The following L3MBTL1 variants were observed in gnomAD, a reference collection of about 807,000 sequenced individuals.
L3MBTL1 encodes lethal(3)malignant brain tumor-like protein 1.
A neutral mutation model predicts 105.3 loss-of-function variants in L3MBTL1; 75 were observed. That is an observed-to-expected ratio of 0.71 (90% CI 0.59 to 0.86). L3MBTL1 has a LOEUF of 0.86. L3MBTL1 is among the 40% of genes least tolerant of loss of function. The probability of loss-of-function intolerance (pLI) is 0.00; values close to 1 mark genes in which losing one functional copy is unlikely to be tolerated. For missense variants in L3MBTL1, 1,069 were observed against 1,126.4 expected (o/e 0.95, Z 0.73); for synonymous variants, 452 against 436.2 (o/e 1.04, Z -0.45).
intron 11 of L3MBTL1, chr20:43,531,268 C>A (rs2019321572): frequency 5.4e-6 from 1 of 184,208 alleles, no homozygotes; most frequent in Non-Finnish European, 1.1e-5. Flanking sequence ...TTTTTCTTTC[C>A]TTTTGCCCAA....
chr20:43,521,204 G>A (rs2018688365), intron 7 of L3MBTL1, among the ~76,000 whole-genome samples: 1 of 152,144 alleles, frequency 6.6e-6, no homozygotes, highest in African/African-American at 2.4e-5. Flanking sequence ...GTAGCAAATT[G>A]AAAGCAAAAA....
At chr20:43,528,351 G>GACAT (rs1205213306) in intron 7 of L3MBTL1, among the ~76,000 whole-genome samples, 1 of 152,190 alleles carries the variant, frequency 6.6e-6, no homozygotes, top group Non-Finnish European at 1.5e-5. Context: ...CAGAGGACAG[G>GACAT]GTCCCTCTGT....
intron 19 of L3MBTL1, chr20:43,539,735 C>T (rs966558359): frequency 1.9e-5 from 5 of 259,064 alleles, no homozygotes; most frequent in African/African-American, 8.9e-5. Context: ...CGGAAGGACT[C>T]ATGAGAAGAA....
At chr20:43,519,550 C>T (rs760138981) in intron 7 of L3MBTL1, among the ~76,000 whole-genome samples, 3 of 152,052 alleles carry the variant, frequency 2.0e-5, no homozygotes, top group African/African-American at 4.8e-5. Context: ...GCAGGAGAAT[C>T]GCTTGAACCT....
At position 43,530,333 on chromosome 20, in the gene L3MBTL1, A is replaced by G. The variant is rs1430077582; in HGVS notation, c.1106A>G (p.His369Arg). ...CACTTTGATGGGTATTCTGAGTGCC[A>G]TGACTTCTGGGTCAATGCCAACTCC... ...RLHFDGYSEC[H>R]DFWVNANSPD... The change falls in exon 10 of 22, where the codon CAT becomes CGT. Residue 369 changes from histidine (H) to arginine (R), a missense_variant. By Grantham distance (29) the His-to-Arg change is conservative. Transcript: ENST00000418998. The G allele has an allele frequency of 4.3e-6, 7 of 1,613,970 alleles. No homozygotes were observed. Among genetic ancestry groups the G allele is most frequent in the South Asian group, 3.3e-5 (3 of 91,078 alleles).
rs951425222 is a variant in L3MBTL1, at chr20:43,522,471, T to G, written c.863-6186T>G. Among the ~76,000 whole-genome samples the G allele has an allele frequency of 4.9e-4, 60 of 122,918 alleles. 3 individuals are homozygous for G. In the East Asian group the frequency reaches 8.8e-3, roughly 18 times the overall value. The allele number at this position is 122,918 out of a possible 152,430, so 80.6% of individuals were successfully genotyped here. On this transcript the variant is annotated intron_variant, in intron 7 of 21. Coordinates refer to ENST00000418998, the MANE Select transcript of L3MBTL1 (RefSeq NM_001377303.1). ...TTCCCTGCTAAGTTTTTTTTTTTTT[T>G]TTTTTTTTTTTTTTTTTGGAGACAG...
chr20:43,538,790 C>A (rs1315130071), intron 19 of L3MBTL1, among the ~76,000 whole-genome samples: 1 of 152,222 alleles, frequency 6.6e-6, no homozygotes, highest in Non-Finnish European at 1.5e-5. Flanking sequence ...AAGCTCCCTA[C>A]AAACTTGATG....
At chr20:43,528,891 G>C (rs2019175972) in intron 8 of L3MBTL1, 146 bp downstream of exon 8, 1 of 677,166 alleles carries the variant, frequency 1.5e-6, no homozygotes, top group Non-Finnish European at 2.6e-6. Flanking sequence ...TAGGGGCCCA[G>C]AGTGGAAAAG....
chr20:43,535,570 T>TGGC, intron 16 of L3MBTL1, among the ~76,000 whole-genome samples: 1 of 152,172 alleles, frequency 6.6e-6, no homozygotes. Flanking sequence ...CAGCTCTGAG[T>TGGC]GGCTCTTCTC....
At position 43,536,309 on chromosome 20, in the gene L3MBTL1, G is replaced by A; in HGVS notation, c.2123+15G>A. 1 of 1,612,348 alleles carries A rather than the reference G, an allele frequency of 6.2e-7. No homozygotes were observed. Among genetic ancestry groups the A allele is most frequent in the East Asian group, 2.2e-5 (1 of 44,846 alleles). On this transcript the variant is annotated intron_variant, in intron 18 of 21. Coordinates refer to ENST00000418998, the MANE Select transcript of L3MBTL1 (RefSeq NM_001377303.1). ...CATCACGGCCGGTATGGAGGCCAGG[G>A]AATCAGGGCCCGGGCTTCCTGGGGG... is the stretch of plus-strand genomic sequence containing the variant.
rs886680908 is a variant in L3MBTL1 at position 43,531,242 on chromosome 20, C to G, written c.1284+353C>G. On this transcript the variant is annotated intron_variant, in intron 11 of 21. Coordinates refer to ENST00000418998, the MANE Select transcript of L3MBTL1 (RefSeq NM_001377303.1). ...GTTCTTTGGTGTAAGGTCAATGCCT[C>G]TATTCTGGGAGCTTCTTTTTCTTTC... The G allele has an allele frequency of 2.8e-5, 6 of 214,130 alleles. No homozygotes were observed. In the Admixed American group the frequency reaches 3.1e-4, roughly 11 times the overall value. The allele number at this position is 214,130 out of a possible 1,614,324, so 13.3% of individuals were successfully genotyped here.
chr20:43,524,273 G>A (rs1237256764), intron 7 of L3MBTL1, among the ~76,000 whole-genome samples: 1 of 151,810 alleles, frequency 6.6e-6, no homozygotes, highest in East Asian at 1.9e-4. Flanking sequence ...TTTATTTAAG[G>A]CTGTCATTTT....
chr20:43,529,058 G>A (rs1210392040), intron 8 of L3MBTL1: 1 of 605,724 alleles, frequency 1.7e-6, no homozygotes, highest in Admixed American at 2.9e-5. Flanking sequence ...CTTGAGTCCA[G>A]CCCTGACTCA....
chr20:43,514,032 G>T lies in L3MBTL1; in HGVS notation c.331G>T (p.Ala111Ser). The T allele has an allele frequency of 6.5e-7, 1 of 1,536,584 alleles. No individual in the cohort carries two copies. The change falls in exon 3 of 22, where the codon GCG becomes TCG. Residue 111 changes from alanine to serine, a missense_variant. Ala to Ser is a moderately conservative substitution (Grantham distance 99). Transcript: ENST00000418998. ...TVRLLEWTEA[A>S]APPPGGGLRF... Reference sequence around the variant, plus strand: ...GCGGCTTCTGGAATGGACAGAGGCCGCGGCCCCGCCCCCAGGGGGCGGCCT... The same window carrying T: ...GCGGCTTCTGGAATGGACAGAGGCCTCGGCCCCGCCCCCAGGGGGCGGCCT...
At position 43,513,848 on chromosome 20, in the gene L3MBTL1, C is replaced by T; in HGVS notation, c.147C>T (p.Ala49=). Residue 49 remains alanine, a synonymous_variant, in exon 3 of 22, where the codon GCC becomes GCT. Transcript: ENST00000418998. Reference sequence around the variant, plus strand: ...TATATCTGTTTACAGCCAGTTCGGCCACCCTCGGCCTGCCCAGCAGTGCCC... The same window carrying T: ...TATATCTGTTTACAGCCAGTTCGGCTACCCTCGGCCTGCCCAGCAGTGCCC... ...ATAFIIPASS[A]TLGLPSSALD... 1 of 1,550,640 alleles carries T rather than the reference C, an allele frequency of 6.4e-7. No homozygotes were observed. Among genetic ancestry groups the T allele is most frequent in the East Asian group, 2.4e-5 (1 of 40,916 alleles).
rs1486923142 is a variant in L3MBTL1 at position 43,514,165 on chromosome 20, C to T, written c.360+104C>T. The T allele has an allele frequency of 4.8e-6, 5 of 1,045,888 alleles. No individual in the cohort carries two copies. The African/African-American group carries it at 7.9e-5, about 17-fold the overall frequency. 64.8% of individuals were successfully genotyped at this position (1,045,888 alleles called of 1,614,324 possible). A position where few individuals can be genotyped will look rare whatever the true frequency, so the allele number is the denominator to read the frequency against. Reference sequence around the variant, plus strand: ...GAGACGGAAGTGGGGGAAGCTGGCTCAGATGATGGGCCCTAGGGGTGGGCT... The same window carrying T: ...GAGACGGAAGTGGGGGAAGCTGGCTTAGATGATGGGCCCTAGGGGTGGGCT... On this transcript the variant is annotated intron_variant, in intron 3 of 21. Transcript: ENST00000418998.
chr20:43,533,252 T>C, intron 12 of L3MBTL1, 90 bp from the exon 13 acceptor site: 1 of 1,155,320 alleles, frequency 8.7e-7, no homozygotes, highest in South Asian at 1.4e-5. Flanking sequence ...AAGAAGTAGA[T>C]GAGGGTGGGC....
chr20:43,514,166 A>C, intron 3 of L3MBTL1, 105 bp downstream of exon 3: 2 of 1,038,716 alleles, frequency 1.9e-6, no homozygotes, highest in South Asian at 1.4e-5. Context: ...AAGCTGGCTC[A>C]GATGATGGGC....
chr20:43,548,518 GC>G (rs5841504), exon 19 of L3MBTL1: 73,501 of 199,846 alleles, frequency 0.37, 14,557 homozygotes, highest in African/African-American at 0.52. Flanking sequence ...GACTGTGGCA[GC>G]CCCCACAGCC....
Sources: allele counts gnomAD v4.1 joint callset (sites outside exome capture counted in the v4.1 genomes callset), GRCh38; gene constraint gnomAD v4.1.1; transcripts MANE v1.5; gene names NCBI Gene and HGNC (gene_info 2026-07-23, HGNC 2026-07-21).